The following DNAH8 variants were observed in gnomAD, a reference collection of about 807,000 sequenced individuals.
The protein encoded by DNAH8 is axonemal beta dynein heavy chain 8.
In DNAH8, 382 loss-of-function variants were observed where a neutral mutation model predicts 562.1. The observed-to-expected ratio is 0.68, with a 90% CI of 0.63 to 0.74. DNAH8 has a LOEUF of 0.74. Ranked by LOEUF, DNAH8 falls within the 30% of genes least tolerant of loss-of-function variation. DNAH8 has a pLI of 0.00. For synonymous variants in DNAH8, 1,881 were observed against 1,919.4 expected, an observed-to-expected ratio of 0.98 and a Z score of 0.52; for missense variants, 5,203 against 5,620.4, an observed-to-expected ratio of 0.93 and a Z score of 2.37.
rs1353026732 is a variant in DNAH8 at position 39,030,563 on chromosome 6, A to G, written c.*171A>G. ...GCGTGTGTGTTTTCCTCACATATCAATATTCAAAAAGATAACTCTAAATGA... is the reference window on the plus strand; with the variant it reads ...GCGTGTGTGTTTTCCTCACATATCAGTATTCAAAAAGATAACTCTAAATGA... On this transcript the variant is annotated 3_prime_UTR_variant, in exon 93 of 93. Coordinates refer to ENST00000327475, the MANE Select transcript of DNAH8 (RefSeq NM_001206927.2). 2.1e-5 allele frequency: 12 copies of G among 570,488 alleles called. No individual in the cohort carries two copies. In the South Asian group the frequency reaches 2.2e-4, roughly 11 times the overall value. The allele number at this position is 570,488 out of a possible 1,614,324, so 35.3% of individuals were successfully genotyped here.
chr6:38,730,461 AATAACTAGATATGTGGGTTTC>A (rs1312009467), intron 4 of DNAH8, among the ~76,000 whole-genome samples: 2 of 152,212 alleles, frequency 1.3e-5, no homozygotes, highest in African/African-American at 4.8e-5. Context: ...ACTTTGTTTT[AATAACTAGATATGTGGGTTTC>A]CCTTTTGGTC....
intron 23 of DNAH8, among the ~76,000 whole-genome samples, chr6:38,806,839 G>T (rs986756859): frequency 1.3e-5 from 2 of 152,078 alleles, no homozygotes; most frequent in Non-Finnish European, 2.9e-5. Flanking sequence ...GCTTTAGCTT[G>T]ATAGTTCACT....
chr6:38,949,902 A>T (rs1761743039), intron 81 of DNAH8, among the ~76,000 whole-genome samples: 1 of 152,180 alleles, frequency 6.6e-6, no homozygotes, highest in South Asian at 2.1e-4. Context: ...TTTACCATTG[A>T]GTGTAAATCA....
intron 82 of DNAH8, among the ~76,000 whole-genome samples, chr6:38,969,489 G>A (rs1396284401): frequency 6.6e-6 from 1 of 152,084 alleles, no homozygotes; most frequent in African/African-American, 2.4e-5. Flanking sequence ...AGCAGGGGAA[G>A]GGACAGAGTG....
chr6:38,716,210 C>A (rs1271229089), intron 1 of DNAH8, among the ~76,000 whole-genome samples: 1 of 151,318 alleles, frequency 6.6e-6, no homozygotes, highest in Non-Finnish European at 1.5e-5. Flanking sequence ...ATCCGCCCAC[C>A]TCGGCCTCCC....
intron 82 of DNAH8, among the ~76,000 whole-genome samples, chr6:38,955,373 G>A (rs766391529): frequency 1.3e-5 from 2 of 151,888 alleles, no homozygotes; most frequent in Admixed American, 1.3e-4. Flanking sequence ...GCTCATGCCT[G>A]TAATCCCAGC....
Position 38,866,598 on chromosome 6 carries a change from G to C in DNAH8, c.6506G>C (p.Gly2169Ala). 1 of 1,607,218 alleles carries C rather than the reference G, an allele frequency of 6.2e-7. No homozygotes were observed. Among genetic ancestry groups the C allele is most frequent in the Non-Finnish European group, 8.5e-7 (1 of 1,177,724 alleles). Reference sequence around the variant, plus strand: ...ACATATTTTAACTTTTAGAACCCTGGATATGCTGGGCGCCAGGAACTACCA... The same window carrying C: ...ACATATTTTAACTTTTAGAACCCTGCATATGCTGGGCGCCAGGAACTACCA... Reference protein sequence around the residue: ...EFGIFLTMNPGYAGRQELPEN... With the variant: ...EFGIFLTMNPAYAGRQELPEN... The change falls in exon 46 of 93, where the codon GGA (glycine) becomes GCA (alanine). Residue 2169 changes from glycine (G) to alanine (A), a missense_variant. Physicochemically the swap from Gly to Ala is moderately conservative, Grantham distance 60. Transcript: ENST00000327475.
chr6:38,721,045 G>C (rs2127562019), intron 1 of DNAH8, among the ~76,000 whole-genome samples: 1 of 152,242 alleles, frequency 6.6e-6, no homozygotes, highest in East Asian at 1.9e-4. Context: ...AAAGGAAAAA[G>C]AATGAAGATG....
intron 10 of DNAH8, among the ~76,000 whole-genome samples, chr6:38,757,601 C>T (rs1012907436): frequency 6.6e-6 from 1 of 152,196 alleles, no homozygotes; most frequent in Non-Finnish European, 1.5e-5. Context: ...TTGCCCATAC[C>T]TATGCTCTGA....
At chr6:38,742,099 A>G (rs1046506067) in intron 8 of DNAH8, among the ~76,000 whole-genome samples, 1 of 152,278 alleles carries the variant, frequency 6.6e-6, no homozygotes, top group African/African-American at 2.4e-5. Context: ...CCATACTACT[A>G]TGGGGTGATT....
chr6:38,746,169 A>G (rs1724419746), intron 8 of DNAH8, among the ~76,000 whole-genome samples: 1 of 152,160 alleles, frequency 6.6e-6, no homozygotes, highest in African/African-American at 2.4e-5. Flanking sequence ...CACTGTAGTT[A>G]TGTATTTGAT....
intron 42 of DNAH8, among the ~76,000 whole-genome samples, chr6:38,860,147 T>C (rs1301859402): frequency 6.6e-6 from 1 of 152,194 alleles, no homozygotes; most frequent in East Asian, 1.9e-4. Flanking sequence ...CTCTCAGATA[T>C]CCTGGAGTAG....
chr6:38,863,124 G>C (rs9380792), intron 44 of DNAH8, among the ~76,000 whole-genome samples: 64,070 of 151,878 alleles, frequency 0.42, 14,152 homozygotes, highest in East Asian at 0.69. Context: ...TCTAGCAGGT[G>C]CAGATTCACT....
At chr6:38,986,512 T>G (rs1005302551) in intron 87 of DNAH8, among the ~76,000 whole-genome samples, 2 of 152,010 alleles carry the variant, frequency 1.3e-5, no homozygotes, top group African/African-American at 4.8e-5. Flanking sequence ...GGGGCCTAGA[T>G]TCATAAAAAT....
intron 52 of DNAH8, among the ~76,000 whole-genome samples, chr6:38,874,957 A>T (rs1777881103): frequency 6.6e-6 from 1 of 152,200 alleles, no homozygotes; most frequent in Non-Finnish European, 1.5e-5. Context: ...GTCCTACTGT[A>T]CTTGTCTTTC....
chr6:38,956,445 G>T (rs778273878), intron 82 of DNAH8, among the ~76,000 whole-genome samples: 1 of 152,164 alleles, frequency 6.6e-6, no homozygotes, highest in Non-Finnish European at 1.5e-5. Context: ...GCAGAGACCT[G>T]CTGGGAGACA....
At position 38,727,621 on chromosome 6, in the gene DNAH8, C is replaced by G. The variant is rs376593591; in HGVS notation, c.526-2281C>G. Reference sequence around the variant, plus strand: ...TGTTGCTGCTAGTGCTGCAGCTTCTCTTAATCCTCCTCTGGCCTCTAGAAA... The same window carrying G: ...TGTTGCTGCTAGTGCTGCAGCTTCTGTTAATCCTCCTCTGGCCTCTAGAAA... On this transcript the variant is annotated intron_variant, in intron 3 of 92. Transcript: ENST00000327475. Among the ~76,000 whole-genome samples the G allele has an allele frequency of 3.7e-4, 56 of 152,348 alleles. 1 individual carries two copies. Among genetic ancestry groups the G allele is most frequent in the African/African-American group, 1.3e-3 (56 of 41,584 alleles).
At chr6:38,851,940 T>C (rs1775784033) in intron 39 of DNAH8, among the ~76,000 whole-genome samples, 1 of 152,198 alleles carries the variant, frequency 6.6e-6, no homozygotes, top group South Asian at 2.1e-4. Flanking sequence ...CAATTCCATA[T>C]CTGTAAAATC....
At chr6:38,973,537 A>C in intron 83 of DNAH8, 124 bp from the exon 84 acceptor site, 2 of 668,574 alleles carry the variant, frequency 3.0e-6, no homozygotes, top group Non-Finnish European at 4.8e-6. Flanking sequence ...TTGACATATA[A>C]TTTTTAAAAA....
Sources: gnomAD v4.1 joint callset for allele counts (sites outside exome capture counted in the v4.1 genomes callset) on GRCh38, gnomAD v4.1.1 for gene constraint, MANE v1.5 for transcripts, NCBI Gene and HGNC (gene_info 2026-07-23, HGNC 2026-07-21) for gene names.